Variants in ITGBL1 observed in about 807,000 individuals in gnomAD.
ITGBL1 encodes the protein integrin subunit beta like 1.
In ITGBL1, 51 loss-of-function variants were observed where a neutral mutation model predicts 68.5. The ratio of observed to expected loss-of-function variants is 0.74; its 90% CI spans 0.59 to 0.94. ITGBL1 has a LOEUF of 0.94. Among genes scored for constraint, ITGBL1 ranks in the 40% least tolerant of loss-of-function variants. The probability of loss-of-function intolerance (pLI) is 0.00; values close to 1 mark genes in which losing one functional copy is unlikely to be tolerated. For synonymous variants in ITGBL1, 209 were observed against 227.3 expected (o/e 0.92, Z 0.72); for missense variants, 649 against 647.4 (o/e 1.00, Z -0.03).
At chr13:101,491,364 A>C (rs1023576127) in intron 2 of ITGBL1, among the ~76,000 whole-genome samples, 1 of 152,130 alleles carries the variant, frequency 6.6e-6, no homozygotes, top group Non-Finnish European at 1.5e-5. Context: ...AAATTAACCT[A>C]CTTTGAACAT....
intron 2 of ITGBL1, among the ~76,000 whole-genome samples, chr13:101,484,470 A>C (rs761905263): frequency 6.6e-6 from 1 of 152,162 alleles, no homozygotes; most frequent in Non-Finnish European, 1.5e-5. Flanking sequence ...GGATATGAAA[A>C]CCACAATATT....
At chr13:101,552,708 T>A (rs1448212842) in intron 2 of ITGBL1, among the ~76,000 whole-genome samples, 1 of 152,182 alleles carries the variant, frequency 6.6e-6, no homozygotes, top group African/African-American at 2.4e-5. Context: ...TAAAGTTAAC[T>A]CAAAATATAA....
At chr13:101,701,529 CAAA>C (rs201529783) in intron 8 of ITGBL1, among the ~76,000 whole-genome samples, 54 of 151,388 alleles carry the variant, frequency 3.6e-4, no homozygotes, top group African/African-American at 1.3e-3. Flanking sequence ...GACTCCATCT[CAAA>C]AAAATAAAAT....
chr13:101,677,683 G>T (rs1301601067), intron 7 of ITGBL1, among the ~76,000 whole-genome samples: 1 of 152,130 alleles, frequency 6.6e-6, no homozygotes, highest in African/African-American at 2.4e-5. Context: ...TCAGGACAAT[G>T]CTCATGGGTA....
At chr13:101,708,496 CTG>C (rs2034313054) in intron 9 of ITGBL1, among the ~76,000 whole-genome samples, 1 of 152,150 alleles carries the variant, frequency 6.6e-6, no homozygotes, top group Non-Finnish European at 1.5e-5. Flanking sequence ...GCTAGAGACA[CTG>C]AATCCTGTTG....
At chr13:101,520,970 T>G (rs1262628740) in intron 2 of ITGBL1, among the ~76,000 whole-genome samples, 1 of 152,210 alleles carries the variant, frequency 6.6e-6, no homozygotes, top group Non-Finnish European at 1.5e-5. Flanking sequence ...ATCGTCCTTT[T>G]GTAGCTGATT....
intron 2 of ITGBL1, among the ~76,000 whole-genome samples, chr13:101,508,210 T>G (rs2139102856): frequency 6.6e-6 from 1 of 152,326 alleles, no homozygotes; most frequent in East Asian, 1.9e-4. Context: ...AAGCAAGAAC[T>G]TTGTCTTTCA....
intron 2 of ITGBL1, among the ~76,000 whole-genome samples, chr13:101,546,798 A>C (rs1227024517): frequency 6.6e-6 from 1 of 152,052 alleles, no homozygotes; most frequent in Non-Finnish European, 1.5e-5. Flanking sequence ...ATCTGACTCA[A>C]AAAGAGATAG....
chr13:101,466,633 G>C (rs752694435), intron 2 of ITGBL1, among the ~76,000 whole-genome samples: 3 of 152,052 alleles, frequency 2.0e-5, no homozygotes, highest in Non-Finnish European at 4.4e-5. Flanking sequence ...ATGATTTCAC[G>C]TGTTTTCTTA....
At chr13:101,703,350 G>A (rs2034179491) in intron 8 of ITGBL1, among the ~76,000 whole-genome samples, 1 of 152,104 alleles carries the variant, frequency 6.6e-6, no homozygotes, top group South Asian at 2.1e-4. Flanking sequence ...AAAAACATGA[G>A]GTCAGAAAAG....
intron 2 of ITGBL1, 59 bp from the exon 3 acceptor site, chr13:101,567,640 C>G (rs2050202648): frequency 6.6e-7 from 1 of 1,521,840 alleles, no homozygotes; most frequent in African/African-American, 1.4e-5. Flanking sequence ...GTATGTGTTA[C>G]AGTAGTGGTT....
intron 7 of ITGBL1, among the ~76,000 whole-genome samples, chr13:101,687,063 G>C (rs1200418566): frequency 6.6e-6 from 1 of 151,958 alleles, no homozygotes; most frequent in African/African-American, 2.4e-5. Flanking sequence ...TTATTATGAA[G>C]TTAGTAATGC....
At chr13:101,507,759 T>G (rs2049049318) in intron 2 of ITGBL1, among the ~76,000 whole-genome samples, 1 of 152,124 alleles carries the variant, frequency 6.6e-6, no homozygotes, top group Non-Finnish European at 1.5e-5. Flanking sequence ...ATAGATATAA[T>G]GAGGTCACAG....
chr13:101,699,259 A>G (rs938112420), intron 8 of ITGBL1, among the ~76,000 whole-genome samples: 9 of 152,222 alleles, frequency 5.9e-5, no homozygotes, highest in Non-Finnish European at 1.0e-4. Context: ...CTGAGTCTTC[A>G]GGTTGTCATT....
chr13:101,718,840 C>A (rs2139636152), downstream of ITGBL1: 1 of 151,548 alleles, frequency 6.6e-6, no homozygotes, highest in Admixed American at 6.6e-5. Flanking sequence ...ACTGTCAACA[C>A]TTTGAAACCC....
intron 7 of ITGBL1, among the ~76,000 whole-genome samples, chr13:101,608,027 A>C (rs948238963): frequency 2.0e-5 from 3 of 152,054 alleles, no homozygotes; most frequent in Non-Finnish European, 2.9e-5. Flanking sequence ...GCGGTATTGC[A>C]TATGTTTTAG....
At chr13:101,461,871 A>G (rs1450283151) in intron 2 of ITGBL1, among the ~76,000 whole-genome samples, 9 of 152,186 alleles carry the variant, frequency 5.9e-5, no homozygotes, top group Non-Finnish European at 1.5e-5. Context: ...TTGAGGCTTA[A>G]ACAGCTCAGA....
chr13:101,637,469 G>A (rs1194784201), intron 7 of ITGBL1, among the ~76,000 whole-genome samples: 4 of 149,628 alleles, frequency 2.7e-5, no homozygotes, highest in African/African-American at 7.4e-5. Flanking sequence ...TCAGCCTCCC[G>A]AGTAGCTGGG....
chr13:101,509,000 A>G (rs1220692044), intron 2 of ITGBL1, among the ~76,000 whole-genome samples: 1 of 152,180 alleles, frequency 6.6e-6, no homozygotes, highest in Non-Finnish European at 1.5e-5. Flanking sequence ...AAAAAAGAAA[A>G]GAAAAGTAAA....
Sources: gnomAD v4.1 joint callset for allele counts (sites outside exome capture counted in the v4.1 genomes callset) on GRCh38, gnomAD v4.1.1 for gene constraint, MANE v1.5 for transcripts, NCBI Gene and HGNC (gene_info 2026-07-23, HGNC 2026-07-21) for gene names.